The following AAK1 variants were observed in gnomAD, a reference collection of about 807,000 sequenced individuals.
AAK1 encodes the protein AP2 associated kinase 1, also known as AP2-associated protein kinase 1.
In AAK1, 37 loss-of-function variants were observed where a neutral mutation model predicts 116.0. The observed-to-expected ratio is 0.32, with a 90% CI of 0.25 to 0.42. The LOEUF is 0.42. AAK1 is among the 10% of genes least tolerant of loss of function. The probability of loss-of-function intolerance (pLI) is 1.00; values close to 1 mark genes in which losing one functional copy is unlikely to be tolerated. For synonymous variants in AAK1, 458 were observed against 439.9 expected, an observed-to-expected ratio of 1.04 and a Z score of -0.51; for missense variants, 919 against 1,170.6, an observed-to-expected ratio of 0.79 and a Z score of 3.14.
rs6755765 is a variant in AAK1 at position 69,619,872 on chromosome 2, G to A, written c.163+23006C>T. Among the ~76,000 whole-genome samples, 437 of 152,326 alleles carry A rather than the reference G, an allele frequency of 2.9e-3. 1 individual carries two copies. Among genetic ancestry groups the A allele is most frequent in the Middle Eastern group, 0.01 (3 of 294 alleles). ...TGGATAGAGAGCAATAACCAGAGGA[G>A]AAGAGTAAAATAAGAATGCAGAGAG... On this transcript the variant is annotated intron_variant, in intron 2 of 21. Transcript: ENST00000409085.
In AAK1 at chr2:69,525,016, A is replaced by G; in HGVS notation, c.1055+17T>C. 6.2e-7 allele frequency: 1 copy of G among 1,611,946 alleles called. No individual in the cohort carries two copies. Among genetic ancestry groups the G allele is most frequent in the Non-Finnish European group, 8.5e-7 (1 of 1,178,030 alleles). ...GGCAATCCAAGGAGGACATGTGTTC[A>G]TGAAGGCATTTCTTACCTGGCCTTT... On this transcript the variant is annotated intron_variant, in intron 10 of 21. Transcript: ENST00000409085.
At chr2:69,486,390 C>G (rs1238356178) in intron 17 of AAK1, among the ~76,000 whole-genome samples, 1 of 152,304 alleles carries the variant, frequency 6.6e-6, no homozygotes, top group African/African-American at 2.4e-5. Context: ...GGCTTATTTT[C>G]TGACCAAACC....
At chr2:69,490,509 C>T (rs780877931) in intron 17 of AAK1, among the ~76,000 whole-genome samples, 2 of 152,126 alleles carry the variant, frequency 1.3e-5, no homozygotes, top group African/African-American at 2.4e-5. Context: ...ACATATCCTA[C>T]AACATGAATG....
At chr2:69,545,300 C>T (rs1461910553) in intron 3 of AAK1, among the ~76,000 whole-genome samples, 1 of 152,130 alleles carries the variant, frequency 6.6e-6, no homozygotes, top group Non-Finnish European at 1.5e-5. Flanking sequence ...TTAAACATCT[C>T]CAGAGAGGCA....
intron 2 of AAK1, among the ~76,000 whole-genome samples, chr2:69,600,548 C>A (rs982676239): frequency 6.6e-6 from 1 of 152,048 alleles, no homozygotes; most frequent in Admixed American, 6.6e-5. Flanking sequence ...ACTGAATTGT[C>A]GCAATCTCAT....
chr2:69,641,634 C>T (rs944513698), intron 2 of AAK1, among the ~76,000 whole-genome samples: 1 of 152,200 alleles, frequency 6.6e-6, no homozygotes, highest in Non-Finnish European at 1.5e-5. Context: ...AGTGCTTACA[C>T]AAGCTGAGAG....
intron 16 of AAK1, among the ~76,000 whole-genome samples, chr2:69,500,698 TACACAC>T (rs563907265): frequency 4.0e-4 from 26 of 65,100 alleles, no homozygotes; most frequent in Admixed American, 6.2e-4. Flanking sequence ...TATATATATA[TACACAC>T]ACACACACAC....
At chr2:69,482,861 T>A (rs750128573) in intron 17 of AAK1, 49 bp from the exon 18 acceptor site, 1 of 1,178,216 alleles carries the variant, frequency 8.5e-7, no homozygotes, top group Non-Finnish European at 1.3e-6. Context: ...AGTAAGATAT[T>A]AAAGCCAGCG....
Position 69,514,540 on chromosome 2 carries a change from C to T in AAK1, c.1707G>A (p.Met569Ile). The T allele has an allele frequency of 1.9e-6, 3 of 1,552,948 alleles. No homozygotes were observed. The highest frequency in any genetic ancestry group is 2.4e-5 in the East Asian group (1 of 41,016). ...QQAALQQKPTMAAGQQPQPQP... is the reference protein window; with the variant it reads ...QQAALQQKPTIAAGQQPQPQP... The stretch of plus-strand genomic sequence containing the variant: ...GTGGCTGGGGCTGCTGTCCTGCTGC[C>T]ATAGTGGGCTTTTGCTGCAAGGCAG... The change falls in exon 13 of 22, where the codon ATG becomes ATA. Residue 569 changes from methionine to isoleucine, a missense_variant. By Grantham distance (10) the Met-to-Ile change is conservative. This residue lies in a region of AAK1 where 214 missense variants were observed against 210.6 expected (regional missense o/e 1.02). Transcript: ENST00000409085.
rs1675988097 is a variant in AAK1 at position 69,501,762 on chromosome 2, G to A, written c.2269+3807C>T. Among the ~76,000 whole-genome samples, 5 of 152,172 alleles carry A rather than the reference G, an allele frequency of 3.3e-5. No individual in the cohort carries two copies. The South Asian group carries it at 1.0e-3, about 32-fold the overall frequency. On this transcript the variant is annotated intron_variant, in intron 16 of 21. Coordinates refer to ENST00000409085, the MANE Select transcript of AAK1 (RefSeq NM_014911.5). ...AGGTGGGTGGATCACCTGAGGTCAC[G>A]AATTTGAGACCAGCCTGGCCAATAT... is the stretch of plus-strand genomic sequence containing the variant.
Position 69,475,157 on chromosome 2 carries a change from T to A in AAK1, c.*712A>T. 1 of 985,892 alleles carries A rather than the reference T, an allele frequency of 1.0e-6. No individual in the cohort carries two copies. The highest frequency in any genetic ancestry group is 1.1e-4 in the East Asian group (1 of 8,818). 61.1% of individuals were successfully genotyped at this position (985,892 alleles called of 1,614,324 possible). A position where few individuals can be genotyped will look rare whatever the true frequency, so the allele number is the denominator to read the frequency against. On this transcript the variant is annotated 3_prime_UTR_variant, in exon 22 of 22. Coordinates refer to ENST00000409085, the MANE Select transcript of AAK1 (RefSeq NM_014911.5). The stretch of plus-strand genomic sequence containing the variant: ...AAATACTTGCAGTCACGTCTCCAGA[T>A]CTGAGAAATCACGGTTCAATGGAAG...
chr2:69,551,988 C>T (rs74316153), intron 3 of AAK1, among the ~76,000 whole-genome samples: 3,188 of 152,338 alleles, frequency 0.021, 46 homozygotes, highest in Non-Finnish European at 0.031. Flanking sequence ...ACACCCAAAC[C>T]TCAGCATATT....
chr2:69,466,505 G>A lies in AAK1; in HGVS notation c.*9364C>T. The A allele has an allele frequency of 1.6e-6, 2 of 1,237,958 alleles. No individual in the cohort carries two copies. Among genetic ancestry groups the A allele is most frequent in the South Asian group, 1.4e-5 (1 of 72,998 alleles). 76.7% of individuals were successfully genotyped at this position (1,237,958 alleles called of 1,614,324 possible). A position where few individuals can be genotyped will look rare whatever the true frequency, so the allele number is the denominator to read the frequency against. ...CTTTAACACCCAGTGATTCTTTAAA[G>A]TGCTCTACAGTTATTACAGGACAGG... is the stretch of plus-strand genomic sequence containing the variant. On this transcript the variant is annotated 3_prime_UTR_variant, in exon 22 of 22. Transcript: ENST00000409085.
intron 5 of AAK1, among the ~76,000 whole-genome samples, chr2:69,537,274 T>C (rs1305735826): frequency 6.6e-6 from 1 of 152,216 alleles, no homozygotes; most frequent in African/African-American, 2.4e-5. Context: ...AGAGGAGAGA[T>C]CTTCAATATA....
chr2:69,589,413 TA>T (rs1351356899), intron 2 of AAK1, among the ~76,000 whole-genome samples: 1 of 151,898 alleles, frequency 6.6e-6, no homozygotes, highest in Non-Finnish European at 1.5e-5. Context: ...TCAAAGAAAG[TA>T]AAGGAGTATT....
chr2:69,547,465 A>G (rs1228620665), intron 3 of AAK1, among the ~76,000 whole-genome samples: 2 of 152,188 alleles, frequency 1.3e-5, no homozygotes, highest in African/African-American at 4.8e-5. Flanking sequence ...CTGAATAGAT[A>G]TTTTTCCAAA....
chr2:69,554,184 G>A (rs1235574554), intron 3 of AAK1, among the ~76,000 whole-genome samples: 1 of 152,106 alleles, frequency 6.6e-6, no homozygotes, highest in Non-Finnish European at 1.5e-5. Context: ...AAATGTCCAG[G>A]AAATTCCAAG....
rs1311045988 is a variant in AAK1 at position 69,466,450 on chromosome 2, C to T, written c.*9419G>A. The T allele has an allele frequency of 2.3e-6, 3 of 1,289,060 alleles. No homozygotes were observed. Among genetic ancestry groups the T allele is most frequent in the Non-Finnish European group, 2.0e-6 (2 of 988,500 alleles). 79.9% of individuals were successfully genotyped at this position (1,289,060 alleles called of 1,614,324 possible). On this transcript the variant is annotated 3_prime_UTR_variant, in exon 22 of 22. Transcript: ENST00000409085. The stretch of plus-strand genomic sequence containing the variant: ...TTGTTCTGAGTCTTTGTGCCAGGTA[C>T]TCTGGAGGGGTCTGGATACAGCGGA...
At chr2:69,583,923 GA>G (rs764232114) in intron 2 of AAK1, among the ~76,000 whole-genome samples, 2 of 151,928 alleles carry the variant, frequency 1.3e-5, no homozygotes, top group Admixed American at 6.6e-5. Context: ...CCCCTGAATG[GA>G]AAAAAAATGT....
Sources: allele counts gnomAD v4.1 joint callset (sites outside exome capture counted in the v4.1 genomes callset), GRCh38; gene constraint gnomAD v4.1.1; regional missense constraint gnomAD v4.1.1; transcripts MANE v1.5; gene names NCBI Gene and HGNC (gene_info 2026-07-23, HGNC 2026-07-21).